The following SERINC5 variants were observed in gnomAD, a reference collection of about 807,000 sequenced individuals.
The protein encoded by SERINC5 is chromosome 5 open reading frame 12.
In SERINC5, 41 loss-of-function variants were observed where a neutral mutation model predicts 63.1. The observed-to-expected ratio is 0.65, with a 90% CI of 0.51 to 0.84. The LOEUF is 0.84. Ranked by LOEUF, SERINC5 falls within the 40% of genes least tolerant of loss-of-function variation. The probability of loss-of-function intolerance (pLI) is 0.00; values close to 1 mark genes in which losing one functional copy is unlikely to be tolerated. For missense variants in SERINC5, 523 were observed against 573.0 expected, an observed-to-expected ratio of 0.91 and a Z score of 0.89; for synonymous variants, 222 against 215.2, an observed-to-expected ratio of 1.03 and a Z score of -0.28.
chr5:80,156,231 C>T (rs568332311), intron 8 of SERINC5, among the ~76,000 whole-genome samples: 2 of 152,238 alleles, frequency 1.3e-5, no homozygotes, highest in East Asian at 3.9e-4. Flanking sequence ...AATGACAGTT[C>T]CCACACGGAC....
At chr5:80,120,556 C>T (rs1004114150) in intron 11 of SERINC5, among the ~76,000 whole-genome samples, 38 of 152,232 alleles carry the variant, frequency 2.5e-4, no homozygotes, top group African/African-American at 8.9e-4. Flanking sequence ...TGGGGGCTTA[C>T]ACCTCCCAGC....
At chr5:80,162,406 C>T (rs570627943) in intron 7 of SERINC5, among the ~76,000 whole-genome samples, 1 of 152,262 alleles carries the variant, frequency 6.6e-6, no homozygotes, top group Non-Finnish European at 1.5e-5. Flanking sequence ...CGTGGTCTTG[C>T]TCTTTCACCC....
intron 7 of SERINC5, among the ~76,000 whole-genome samples, chr5:80,161,205 T>C (rs575320172): frequency 6.6e-6 from 1 of 152,198 alleles, no homozygotes; most frequent in Admixed American, 6.5e-5. Flanking sequence ...TTTTCCTTTT[T>C]GTAGCTACCC....
intron 1 of SERINC5, among the ~76,000 whole-genome samples, chr5:80,214,521 C>G (rs919700302): frequency 6.6e-6 from 1 of 151,496 alleles, no homozygotes; most frequent in Non-Finnish European, 1.5e-5. Context: ...AAGAAAACAG[C>G]CAGAGTGAAC....
intron 1 of SERINC5, among the ~76,000 whole-genome samples, chr5:80,251,172 G>T (rs902192390): frequency 2.0e-5 from 3 of 152,106 alleles, no homozygotes; most frequent in Admixed American, 2.0e-4. Context: ...CCAGCTACTT[G>T]GGAGGCTGAA....
At chr5:80,231,658 G>C (rs1751443858) in intron 1 of SERINC5, among the ~76,000 whole-genome samples, 1 of 151,320 alleles carries the variant, frequency 6.6e-6, no homozygotes, top group Admixed American at 6.6e-5. Context: ...CGAGAACCCA[G>C]AAATAAAGCT....
chr5:80,161,364 T>A (rs1046493542), intron 7 of SERINC5, among the ~76,000 whole-genome samples: 3 of 150,194 alleles, frequency 2.0e-5, no homozygotes, highest in Non-Finnish European at 2.9e-5. Flanking sequence ...CATCTGTTAC[T>A]TTTTGTCTTT....
intron 11 of SERINC5, among the ~76,000 whole-genome samples, chr5:80,132,429 T>G (rs527782734): frequency 6.6e-6 from 1 of 152,188 alleles, no homozygotes; most frequent in African/African-American, 2.4e-5. Flanking sequence ...TATTTCTATA[T>G]GAACATGCTG....
At chr5:80,133,426 T>C (rs2112261054) in intron 11 of SERINC5, among the ~76,000 whole-genome samples, 1 of 152,330 alleles carries the variant, frequency 6.6e-6, no homozygotes, top group East Asian at 1.9e-4. Context: ...ATGTGGAAGA[T>C]GGTACATGTG....
intron 11 of SERINC5, among the ~76,000 whole-genome samples, chr5:80,130,058 G>C (rs1744881211): frequency 6.6e-6 from 1 of 152,148 alleles, no homozygotes; most frequent in African/African-American, 2.4e-5. Context: ...TTGACCAACT[G>C]TTTTTCTATT....
rs6868177 is a variant in SERINC5 at position 80,151,019 on chromosome 5, G to A, written c.987-71C>T. ...AACACATGGAATGAAGGGGAAAGCC[G>A]GCTGGCCAGTGCTCCGACGAGAGCC... On this transcript the variant is annotated intron_variant, in intron 8 of 11. Transcript: ENST00000507668. 1,970 of 1,144,710 alleles carry A rather than the reference G, an allele frequency of 1.7e-3. 24 individuals carry two copies. The African/African-American group carries it at 0.025, about 14-fold the overall frequency. The allele number at this position is 1,144,710 out of a possible 1,614,324, so 70.9% of individuals were successfully genotyped here.
chr5:80,254,329 T>C (rs1338422502), intron 1 of SERINC5, among the ~76,000 whole-genome samples: 2 of 152,212 alleles, frequency 1.3e-5, no homozygotes, highest in African/African-American at 2.4e-5. Flanking sequence ...CCAGCAGGCC[T>C]GGGAAAGCAG....
At chr5:80,137,639 A>C (rs1225747880), downstream of SERINC5, among the ~76,000 whole-genome samples, 1 of 129,770 alleles carries the variant, frequency 7.7e-6, no homozygotes, top group Non-Finnish European at 1.7e-5. Context: ...CAAGACTCTA[A>C]CTCAAAAAAA....
chr5:80,155,038 A>G (rs1363480331), intron 8 of SERINC5, among the ~76,000 whole-genome samples: 2 of 152,210 alleles, frequency 1.3e-5, no homozygotes, highest in African/African-American at 4.8e-5. Context: ...CGAAGTTGGG[A>G]GTAGAGAGCT....
At chr5:80,177,430 A>T (rs1353165051) in intron 3 of SERINC5, 33 bp from the exon 4 acceptor site, 1 of 1,547,420 alleles carries the variant, frequency 6.5e-7, no homozygotes, top group South Asian at 1.1e-5. Flanking sequence ...GAGGAAATGT[A>T]TTTAAATGAC....
intron 2 of SERINC5, among the ~76,000 whole-genome samples, chr5:80,196,884 G>A (rs1749535980): frequency 6.7e-6 from 1 of 149,400 alleles, no homozygotes; most frequent in African/African-American, 2.5e-5. Flanking sequence ...GGGTTGCTGT[G>A]AGCCGAGATC....
intron 1 of SERINC5, among the ~76,000 whole-genome samples, chr5:80,213,062 T>C (rs1412827498): frequency 6.6e-6 from 1 of 151,948 alleles, no homozygotes; most frequent in East Asian, 1.9e-4. Flanking sequence ...CTGGACAACA[T>C]GGTGAAACCC....
At chr5:80,200,562 G>A (rs1749774111) in intron 2 of SERINC5, among the ~76,000 whole-genome samples, 1 of 152,050 alleles carries the variant, frequency 6.6e-6, no homozygotes, top group Admixed American at 6.6e-5. Flanking sequence ...TTTCTCGCAA[G>A]TGTGAACACC....
intron 11 of SERINC5, among the ~76,000 whole-genome samples, chr5:80,120,140 G>A (rs1744486781): frequency 6.6e-6 from 1 of 152,186 alleles, no homozygotes; most frequent in African/African-American, 2.4e-5. Context: ...GCTCATAGTA[G>A]ATTGAAGCAG....
Sources: allele counts gnomAD v4.1 joint callset (sites outside exome capture counted in the v4.1 genomes callset), GRCh38; gene constraint gnomAD v4.1.1; transcripts MANE v1.5; gene names NCBI Gene and HGNC (gene_info 2026-07-23, HGNC 2026-07-21).